Variants in GRID2 observed in about 807,000 individuals in gnomAD.
GRID2 encodes the protein glutamate ionotropic receptor delta type subunit 2.
A neutral mutation model predicts 114.8 loss-of-function variants in GRID2; 33 were observed. The ratio of observed to expected loss-of-function variants is 0.29; its 90% CI spans 0.22 to 0.38. The LOEUF (loss-of-function observed/expected upper bound fraction) is 0.38. GRID2 is among the 10% of genes least tolerant of loss of function. GRID2 has a pLI of 1.00. For missense variants in GRID2, 1,184 were observed against 1,257.7 expected, an observed-to-expected ratio of 0.94 and a Z score of 0.89; for synonymous variants, 505 against 449.9, an observed-to-expected ratio of 1.12 and a Z score of -1.55.
intron 8 of GRID2, among the ~76,000 whole-genome samples, chr4:93,321,316 A>G (rs568576201): frequency 1.9e-3 from 289 of 152,182 alleles, no homozygotes; most frequent in African/African-American, 6.6e-3. Flanking sequence ...TATTTCCCTA[A>G]TTATAAAAAA....
At chr4:93,148,883 A>T (rs1444962803) in intron 4 of GRID2, among the ~76,000 whole-genome samples, 1 of 151,028 alleles carries the variant, frequency 6.6e-6, no homozygotes, top group Non-Finnish European at 1.5e-5. Flanking sequence ...ATATATTTAG[A>T]TTCTTGGAAA....
chr4:92,951,369 T>A (rs1752024979), intron 2 of GRID2, among the ~76,000 whole-genome samples: 1 of 143,462 alleles, frequency 7.0e-6, no homozygotes, highest in Admixed American at 6.8e-5. Context: ...TTATTTATTT[T>A]GAGACAGGAT....
intron 2 of GRID2, among the ~76,000 whole-genome samples, chr4:92,597,474 A>G (rs1255049475): frequency 6.6e-6 from 1 of 152,106 alleles, no homozygotes; most frequent in African/African-American, 2.4e-5. Flanking sequence ...CTCACTATCT[A>G]CAATTGTGAT....
At chr4:92,305,368 G>A (rs1029709041) in intron 1 of GRID2, among the ~76,000 whole-genome samples, 1 of 152,176 alleles carries the variant, frequency 6.6e-6, no homozygotes, top group Non-Finnish European at 1.5e-5. Flanking sequence ...GCTGGCGGCA[G>A]TGTCGCCAAG....
chr4:92,812,195 T>C (rs1045502261), intron 2 of GRID2, among the ~76,000 whole-genome samples: 22 of 152,058 alleles, frequency 1.4e-4, no homozygotes, highest in African/African-American at 4.6e-4. Context: ...ATATCAGCAT[T>C]TTCCCAAGAA....
intron 4 of GRID2, among the ~76,000 whole-genome samples, chr4:93,145,476 T>A (rs1736124633): frequency 1.0e-5 from 1 of 96,194 alleles, no homozygotes. Flanking sequence ...TATTTATTTT[T>A]TTTTGAGACA....
At chr4:92,805,194 GTTAT>G (rs1205763033) in intron 2 of GRID2, among the ~76,000 whole-genome samples, 1 of 151,702 alleles carries the variant, frequency 6.6e-6, no homozygotes, top group Non-Finnish European at 1.5e-5. Flanking sequence ...CAACGATATC[GTTAT>G]TTCTCTTTTA....
At position 92,882,205 on chromosome 4, in the gene GRID2, G is replaced by A. The variant is rs556140416; in HGVS notation, c.245-202790G>A. ...TCTTGAAATAGTCTGCCAGATTGATGGAGCCTCATTTAGGGCTCATCAGAA... is the reference window on the plus strand; with the variant it reads ...TCTTGAAATAGTCTGCCAGATTGATAGAGCCTCATTTAGGGCTCATCAGAA... On this transcript the variant is annotated intron_variant, in intron 2 of 15. Coordinates refer to ENST00000282020, the MANE Select transcript of GRID2 (RefSeq NM_001510.4). Among the ~76,000 whole-genome samples the A allele has an allele frequency of 1.6e-4, 24 of 152,208 alleles. No individual in the cohort carries two copies. In the South Asian group the frequency reaches 4.6e-3, roughly 29 times the overall value.
intron 1 of GRID2, among the ~76,000 whole-genome samples, chr4:93,792,880 A>T (rs1032000346): frequency 4.6e-5 from 7 of 152,136 alleles, no homozygotes; most frequent in Non-Finnish European, 1.0e-4. Context: ...TGCCAGCTGG[A>T]GGTCCCACCT....
intron 2 of GRID2, among the ~76,000 whole-genome samples, chr4:93,032,386 G>T (rs1337572849): frequency 6.6e-6 from 1 of 152,012 alleles, no homozygotes; most frequent in Non-Finnish European, 1.5e-5. Flanking sequence ...TTAATGTGAG[G>T]TTCCTTTTCT....
rs538166689 is a variant in GRID2, at chr4:93,259,181, G to A, written c.1245+20691G>A. ...AAAAAAATGCATGATGATAGGACAA[G>A]TACCTAGGAGACAAGTTGGTTGGCC... On this transcript the variant is annotated intron_variant, in intron 8 of 15. Transcript: ENST00000282020. Among the ~76,000 whole-genome samples the A allele has an allele frequency of 8.6e-5, 13 of 151,882 alleles. No homozygotes were observed. In the South Asian group the frequency reaches 2.7e-3, roughly 31 times the overall value.
intron 14 of GRID2, among the ~76,000 whole-genome samples, chr4:93,694,681 C>T (rs771531836): frequency 3.3e-5 from 5 of 152,154 alleles, no homozygotes; most frequent in Non-Finnish European, 7.3e-5. Flanking sequence ...TCTTTCTCCT[C>T]ATCCATTTTC....
intron 1 of GRID2, among the ~76,000 whole-genome samples, chr4:92,396,885 C>T (rs1254330828): frequency 1.3e-5 from 2 of 151,904 alleles, no homozygotes; most frequent in Non-Finnish European, 2.9e-5. Flanking sequence ...AAATGATTTC[C>T]TTTTTATTTG....
chr4:93,038,188 G>T (rs1241113714), intron 2 of GRID2, among the ~76,000 whole-genome samples: 1 of 152,052 alleles, frequency 6.6e-6, no homozygotes, highest in Non-Finnish European at 1.5e-5. Context: ...CTTGTAAGTT[G>T]TATTTCTAAG....
intron 13 of GRID2, among the ~76,000 whole-genome samples, chr4:93,598,718 C>A (rs1484243638): frequency 6.6e-6 from 1 of 152,066 alleles, no homozygotes; most frequent in Non-Finnish European, 1.5e-5. Flanking sequence ...GGAGAATGCA[C>A]CTCTAGATGC....
chr4:93,029,086 C>T (rs894966735), intron 2 of GRID2, among the ~76,000 whole-genome samples: 2 of 152,044 alleles, frequency 1.3e-5, no homozygotes, highest in African/African-American at 4.8e-5. Context: ...GTTCCCATTA[C>T]ATGGAGAGGG....
At chr4:93,478,693 A>G (rs1404643351) in intron 11 of GRID2, among the ~76,000 whole-genome samples, 2 of 152,000 alleles carry the variant, frequency 1.3e-5, no homozygotes, top group Admixed American at 6.6e-5. Flanking sequence ...AAAATATATT[A>G]AAAACTGAAA....
chr4:92,603,027 A>G (rs945097052), intron 2 of GRID2, among the ~76,000 whole-genome samples: 1 of 152,170 alleles, frequency 6.6e-6, no homozygotes, highest in African/African-American at 2.4e-5. Context: ...AGAACTACAA[A>G]CCACTGCTCA....
At chr4:93,267,146 A>G (rs1484724292) in intron 8 of GRID2, among the ~76,000 whole-genome samples, 1 of 146,760 alleles carries the variant, frequency 6.8e-6, no homozygotes, top group Non-Finnish European at 1.5e-5. Context: ...ATAGTGTTCC[A>G]TTGAATAGTA....
Sources: gnomAD v4.1 joint callset for allele counts (sites outside exome capture counted in the v4.1 genomes callset) on GRCh38, gnomAD v4.1.1 for gene constraint, MANE v1.5 for transcripts, NCBI Gene and HGNC (gene_info 2026-07-23, HGNC 2026-07-21) for gene names.